Variants in ARSG observed in about 807,000 individuals in gnomAD.
The protein encoded by ARSG is ASG.
Under a neutral mutation model 50.5 loss-of-function variants are expected in ARSG, and 37 were observed. That is an observed-to-expected ratio of 0.73 (90% CI 0.56 to 0.96). The LOEUF (loss-of-function observed/expected upper bound fraction) is 0.96, where lower values mean the gene tolerates loss of function less well. Among genes scored for constraint, ARSG ranks in the 50% least tolerant of loss-of-function variants. The pLI is 0.00. For missense variants in ARSG, 629 were observed against 675.3 expected (o/e 0.93, Z 0.76); for synonymous variants, 225 against 254.6 (o/e 0.88, Z 1.11).
chr17:68,333,474 C>G (rs990763736), intron 2 of ARSG, among the ~76,000 whole-genome samples: 8 of 151,600 alleles, frequency 5.3e-5, no homozygotes, highest in Non-Finnish European at 1.0e-4. Context: ...ACTAAAAATA[C>G]AAAATTAGCC....
At chr17:68,270,721 T>G in intron 1 of ARSG, 1 of 862,644 alleles carries the variant, frequency 1.2e-6, no homozygotes, top group Non-Finnish European at 1.8e-6. Flanking sequence ...CCCTGGCAGC[T>G]CTAAAATTCA....
At chr17:68,376,276 C>CGTGT (rs149045241) in intron 8 of ARSG, among the ~76,000 whole-genome samples, 3 of 131,944 alleles carry the variant, frequency 2.3e-5, no homozygotes, top group South Asian at 2.4e-4. Flanking sequence ...GCGCCCCCTG[C>CGTGT]ATTTTTTTTT....
At chr17:68,270,746 C>A (rs559030465) in intron 1 of ARSG, 1 of 1,080,554 alleles carries the variant, frequency 9.3e-7, no homozygotes, top group East Asian at 2.5e-5. Context: ...AAATATAAAA[C>A]GGCAGTAAGT....
chr17:68,352,814 CTCTT>C (rs1270493047), intron 5 of ARSG, among the ~76,000 whole-genome samples: 1 of 152,060 alleles, frequency 6.6e-6, no homozygotes, highest in Non-Finnish European at 1.5e-5. Context: ...CCAGCGGTGA[CTCTT>C]TCTCCACTTT....
At chr17:68,403,494 C>T (rs2081569305) in intron 11 of ARSG, among the ~76,000 whole-genome samples, 1 of 152,126 alleles carries the variant, frequency 6.6e-6, no homozygotes, top group Non-Finnish European at 1.5e-5. Flanking sequence ...GTTCTGATTC[C>T]CTCTTCCTCT....
At chr17:68,386,538 C>T (rs1057431363) in intron 9 of ARSG, among the ~76,000 whole-genome samples, 1 of 152,102 alleles carries the variant, frequency 6.6e-6, no homozygotes, top group Non-Finnish European at 1.5e-5. Flanking sequence ...CCAGAAATTC[C>T]GGGTCAGCCC....
intron 4 of ARSG, among the ~76,000 whole-genome samples, chr17:68,349,776 G>A (rs2078673972): frequency 6.6e-6 from 1 of 152,030 alleles, no homozygotes; most frequent in South Asian, 2.1e-4. Context: ...CCAGCTACTC[G>A]GGAGGCTGAA....
chr17:68,283,719 A>G (rs1555753591), intron 1 of ARSG, among the ~76,000 whole-genome samples: 2 of 150,410 alleles, frequency 1.3e-5, no homozygotes, highest in Admixed American at 6.6e-5. Flanking sequence ...TACTAAAAAA[A>G]AATACAAAAT....
chr17:68,300,894 A>G lies in ARSG; in HGVS notation c.-551-6049A>G, dbSNP rs557078832. The stretch of plus-strand genomic sequence containing the variant: ...GCCACTTTGGGAGGCCAAGGTGGGT[A>G]GATCACGAAGTCAGGAGATCGAGAC... On this transcript the variant is annotated intron_variant, in intron 1 of 11. Coordinates refer to ENST00000621439, the MANE Select transcript of ARSG (RefSeq NM_001267727.2). Among the ~76,000 whole-genome samples, 4 of 151,728 alleles carry G rather than the reference A, an allele frequency of 2.6e-5. No homozygotes were observed. In the East Asian group the frequency reaches 5.8e-4, roughly 22 times the overall value.
chr17:68,416,164 T>C (rs1450719039), intron 11 of ARSG, among the ~76,000 whole-genome samples: 1 of 152,230 alleles, frequency 6.6e-6, no homozygotes, highest in Admixed American at 6.5e-5. Flanking sequence ...CATTTTGATG[T>C]GTTTCCAGGA....
At chr17:68,396,542 C>T (rs571965269) in intron 10 of ARSG, among the ~76,000 whole-genome samples, 2 of 152,268 alleles carry the variant, frequency 1.3e-5, no homozygotes, top group South Asian at 4.1e-4. Context: ...CACAGAGTCC[C>T]CTCTGCAACG....
rs568783964 is a variant in ARSG at position 68,281,560 on chromosome 17, C to T, written c.-552+22134C>T. Among the ~76,000 whole-genome samples the T allele has an allele frequency of 1.5e-3, 224 of 152,050 alleles. 1 individual carries two copies. Among genetic ancestry groups the T allele is most frequent in the Admixed American group, 3.2e-3 (49 of 15,240 alleles). ...ACTGTACTCCAGCCTGGTGACACAG[C>T]GAGACTCTGTCTCAAATAAATAAAT... On this transcript the variant is annotated intron_variant, in intron 1 of 11. Coordinates refer to the ARSG transcript ENST00000448504.
chr17:68,273,825 G>A, intron 1 of ARSG: 3 of 1,389,346 alleles, frequency 2.2e-6, no homozygotes, highest in Middle Eastern at 1.8e-4. Context: ...AAGAAAAAAA[G>A]AAAGAGAAAG....
chr17:68,416,641 T>C (rs1345580188), intron 11 of ARSG, among the ~76,000 whole-genome samples: 1 of 152,168 alleles, frequency 6.6e-6, no homozygotes, highest in Non-Finnish European at 1.5e-5. Flanking sequence ...ATCCCAGCCT[T>C]CTTGGAGGCT....
intron 6 of ARSG, among the ~76,000 whole-genome samples, chr17:68,361,121 G>C (rs981282898): frequency 6.6e-6 from 1 of 151,986 alleles, no homozygotes; most frequent in Non-Finnish European, 1.5e-5. Context: ...TACCGTGCCC[G>C]GCCTGAAATC....
At chr17:68,356,912 C>G in intron 6 of ARSG, 108 bp downstream of exon 6, 2 of 1,414,384 alleles carry the variant, frequency 1.4e-6, no homozygotes, top group South Asian at 1.3e-5. Flanking sequence ...CAGAGTTTTG[C>G]TGCTCAGCAG....
At chr17:68,366,673 A>ATGTGTGTGTGTG (rs555888280) in intron 6 of ARSG, among the ~76,000 whole-genome samples, 406 of 134,998 alleles carry the variant, frequency 3.0e-3, no homozygotes, top group African/African-American at 0.01. Context: ...CTAGGAATTT[A>ATGTGTGTGTGTG]TGTATGTGTG....
the ARSG span, among the ~76,000 whole-genome samples, chr17:68,441,830 G>T: frequency 6.6e-6 from 1 of 152,192 alleles, no homozygotes; most frequent in Non-Finnish European, 1.5e-5. Context: ...TTATAAACGT[G>T]AGCATTTAAA....
chr17:68,438,890 G>A, the ARSG span, among the ~76,000 whole-genome samples: 17 of 152,302 alleles, frequency 1.1e-4, 1 homozygote, highest in East Asian at 3.3e-3. Flanking sequence ...GTGAGCCATC[G>A]TGCCTGGCCT....
Sources: allele counts gnomAD v4.1 joint callset (sites outside exome capture counted in the v4.1 genomes callset), GRCh38; gene constraint gnomAD v4.1.1; transcripts MANE v1.5; gene names NCBI Gene and HGNC (gene_info 2026-07-23, HGNC 2026-07-21).